Variants in GRID1 observed in about 807,000 individuals in gnomAD.
The protein encoded by GRID1 is glutamate receptor ionotropic, delta-1.
A neutral mutation model predicts 98.0 loss-of-function variants in GRID1; 28 were observed. That is an observed-to-expected ratio of 0.29 (90% confidence interval 0.21 to 0.39). The LOEUF (loss-of-function observed/expected upper bound fraction) is 0.39. Ranked by LOEUF, GRID1 falls within the 10% of genes least tolerant of loss-of-function variation. The pLI is 1.00. For synonymous variants in GRID1, 553 were observed against 538.5 expected, an observed-to-expected ratio of 1.03 and a Z score of -0.37; for missense variants, 1,111 against 1,340.5, an observed-to-expected ratio of 0.83 and a Z score of 2.67.
chr10:86,280,044 A>G (rs1847335223), intron 2 of GRID1, among the ~76,000 whole-genome samples: 1 of 152,092 alleles, frequency 6.6e-6, no homozygotes, highest in Admixed American at 6.6e-5. Flanking sequence ...CTCTTCCACA[A>G]ATTTAAAAAT....
intron 4 of GRID1, among the ~76,000 whole-genome samples, chr10:86,086,039 C>T (rs573809614): frequency 8.7e-4 from 132 of 152,266 alleles, no homozygotes; most frequent in African/African-American, 3.1e-3. Context: ...ACTGTCCCTT[C>T]CCATCAGAGT....
chr10:86,179,047 GA>G (rs1475556048), intron 3 of GRID1, among the ~76,000 whole-genome samples: 29 of 152,094 alleles, frequency 1.9e-4, no homozygotes, highest in Non-Finnish European at 4.3e-4. Flanking sequence ...GGATGGGATG[GA>G]ATGCCTGGGG....
chr10:86,089,646 T>C (rs1471777177), intron 4 of GRID1, among the ~76,000 whole-genome samples: 3 of 151,798 alleles, frequency 2.0e-5, no homozygotes, highest in East Asian at 1.9e-4. Context: ...ACAGCTAGCA[T>C]AAAAATGCTT....
intron 3 of GRID1, among the ~76,000 whole-genome samples, chr10:86,145,791 A>G (rs1350752842): frequency 6.6e-6 from 1 of 152,198 alleles, no homozygotes; most frequent in East Asian, 1.9e-4. Flanking sequence ...ATCAAACCCC[A>G]AGGCTTGGTG....
chr10:85,972,850 C>T (rs928663066), intron 4 of GRID1, among the ~76,000 whole-genome samples: 1 of 152,194 alleles, frequency 6.6e-6, no homozygotes, highest in African/African-American at 2.4e-5. Context: ...CCCATTGACA[C>T]AGCAACCAGC....
intron 4 of GRID1, among the ~76,000 whole-genome samples, chr10:86,125,486 G>T (rs1413587263): frequency 6.6e-6 from 1 of 152,158 alleles, no homozygotes; most frequent in Non-Finnish European, 1.5e-5. Flanking sequence ...GACCAAAAGT[G>T]CCTGTAATGG....
chr10:85,780,646 T>TGGCA (rs1432283600), intron 8 of GRID1, among the ~76,000 whole-genome samples: 1 of 152,198 alleles, frequency 6.6e-6, no homozygotes, highest in African/African-American at 2.4e-5. Context: ...GTTATGACAA[T>TGGCA]GGCACTTCTG....
At chr10:86,135,981 T>G (rs1267976723) in intron 4 of GRID1, among the ~76,000 whole-genome samples, 2 of 152,200 alleles carry the variant, frequency 1.3e-5, no homozygotes, top group Non-Finnish European at 2.9e-5. Context: ...AACATTGACA[T>G]GCAGTTGATG....
chr10:85,999,086 G>A (rs1842774372), intron 4 of GRID1, among the ~76,000 whole-genome samples: 2 of 151,960 alleles, frequency 1.3e-5, no homozygotes, highest in African/African-American at 4.8e-5. Flanking sequence ...GGTGGTGCAC[G>A]TCTATAACCC....
At chr10:85,923,923 C>G (rs1841740652) in intron 4 of GRID1, among the ~76,000 whole-genome samples, 1 of 152,120 alleles carries the variant, frequency 6.6e-6, no homozygotes, top group East Asian at 1.9e-4. Flanking sequence ...TCCTGTCACC[C>G]CCTTTCAAAA....
chr10:86,134,034 T>C (rs1483263788), intron 4 of GRID1, among the ~76,000 whole-genome samples: 1 of 152,200 alleles, frequency 6.6e-6, no homozygotes, highest in Non-Finnish European at 1.5e-5. Context: ...CTATGTACGG[T>C]AGAGACAGTG....
chr10:85,738,465 A>G (rs1003168686), intron 8 of GRID1, among the ~76,000 whole-genome samples: 1 of 152,230 alleles, frequency 6.6e-6, no homozygotes, highest in Non-Finnish European at 1.5e-5. Flanking sequence ...AGTTAAACAT[A>G]TGATGTTAAG....
intron 4 of GRID1, among the ~76,000 whole-genome samples, chr10:85,967,507 G>A (rs188052078): frequency 6.6e-6 from 1 of 152,174 alleles, no homozygotes; most frequent in Non-Finnish European, 1.5e-5. Context: ...TCCCATGGGG[G>A]ACAGTTGTTG....
At chr10:85,782,227 T>C (rs942703341) in intron 8 of GRID1, among the ~76,000 whole-genome samples, 7 of 151,442 alleles carry the variant, frequency 4.6e-5, no homozygotes, top group Non-Finnish European at 1.0e-4. Context: ...TGAGTGCACA[T>C]GCACACACAC....
At chr10:86,256,001 C>G (rs1846912094) in intron 2 of GRID1, among the ~76,000 whole-genome samples, 1 of 152,226 alleles carries the variant, frequency 6.6e-6, no homozygotes, top group Non-Finnish European at 1.5e-5. Flanking sequence ...ATTCGGATCA[C>G]AGCCCTTGCC....
At position 86,220,297 on chromosome 10, in the gene GRID1, G is replaced by A. The variant is rs534643553; in HGVS notation, c.236-13649C>T. Among the ~76,000 whole-genome samples the A allele has an allele frequency of 4.6e-5, 7 of 152,228 alleles. No individual in the cohort carries two copies. In the East Asian group the frequency reaches 7.7e-4, roughly 17 times the overall value. ...TCTCAGAGAGAAGGACTGGCCCAGCGGTAAGAGGATAGGTTCTGGCACCGA... is the reference window on the plus strand; with the variant it reads ...TCTCAGAGAGAAGGACTGGCCCAGCAGTAAGAGGATAGGTTCTGGCACCGA... On this transcript the variant is annotated intron_variant, in intron 2 of 15. Coordinates refer to ENST00000327946, the MANE Select transcript of GRID1 (RefSeq NM_017551.3).
intron 8 of GRID1, among the ~76,000 whole-genome samples, chr10:85,739,304 G>T (rs1450240428): frequency 6.6e-6 from 1 of 152,100 alleles, no homozygotes; most frequent in African/African-American, 2.4e-5. Context: ...TTATGGCCGG[G>T]CACAGTGGCT....
intron 2 of GRID1, among the ~76,000 whole-genome samples, chr10:86,252,406 G>C (rs980080955): frequency 1.3e-5 from 2 of 152,212 alleles, no homozygotes; most frequent in Non-Finnish European, 2.9e-5. Context: ...CTCCACTGCA[G>C]CAAGCCTAGT....
chr10:85,626,608 C>T (rs1842915585), intron 13 of GRID1, among the ~76,000 whole-genome samples: 1 of 152,200 alleles, frequency 6.6e-6, no homozygotes, highest in Non-Finnish European at 1.5e-5. Flanking sequence ...ATGCAGAGTG[C>T]ATTTTGCCTC....
Sources: allele counts gnomAD v4.1 joint callset (sites outside exome capture counted in the v4.1 genomes callset), GRCh38; gene constraint gnomAD v4.1.1; transcripts MANE v1.5; gene names NCBI Gene and HGNC (gene_info 2026-07-23, HGNC 2026-07-21).